The following SCEL variants were observed in gnomAD, a reference collection of about 807,000 sequenced individuals.
SCEL encodes the protein sciellin.
In SCEL, 113 loss-of-function variants were observed where a neutral mutation model predicts 117.6. That is an observed-to-expected ratio of 0.96 (90% CI 0.83 to 1.12). SCEL has a LOEUF of 1.12. Among genes scored for constraint, SCEL ranks in the 50% most tolerant of loss-of-function variants. The pLI, the probability that SCEL is intolerant of heterozygous loss-of-function variation, is 0.00. For synonymous variants in SCEL, 270 were observed against 256.2 expected, an observed-to-expected ratio of 1.05 and a Z score of -0.51; for missense variants, 785 against 810.8, an observed-to-expected ratio of 0.97 and a Z score of 0.39.
intron 9 of SCEL, among the ~76,000 whole-genome samples, chr13:77,576,501 G>T (rs1054949385): frequency 2.6e-5 from 4 of 152,068 alleles, no homozygotes; most frequent in African/African-American, 2.4e-5. Context: ...CAGCTCCAGG[G>T]TTTCACCGGC....
At chr13:77,622,090 A>G (rs1403282449) in intron 27 of SCEL, among the ~76,000 whole-genome samples, 1 of 152,212 alleles carries the variant, frequency 6.6e-6, no homozygotes, top group African/African-American at 2.4e-5. Flanking sequence ...TGTATTCTCT[A>G]TTCCTTTCAG....
chr13:77,594,127 A>G (rs1176123494), intron 12 of SCEL, among the ~76,000 whole-genome samples: 2 of 152,172 alleles, frequency 1.3e-5, no homozygotes, highest in African/African-American at 4.8e-5. Context: ...TTCACAGATT[A>G]TTAGAGTAGT....
At chr13:77,633,458 A>G (rs1349110710) in intron 28 of SCEL, among the ~76,000 whole-genome samples, 1 of 147,060 alleles carries the variant, frequency 6.8e-6, no homozygotes, top group Non-Finnish European at 1.5e-5. Flanking sequence ...AAAAAAAAAA[A>G]AAAAAAAAGA....
chr13:77,643,756 A>C (rs2154407717), intron 32 of SCEL, among the ~76,000 whole-genome samples: 2 of 152,186 alleles, frequency 1.3e-5, no homozygotes, highest in East Asian at 3.9e-4. Flanking sequence ...TGCAGAATCA[A>C]TTACAAGAAC....
intron 10 of SCEL, among the ~76,000 whole-genome samples, chr13:77,589,555 C>T (rs73227368): frequency 0.13 from 20,242 of 152,052 alleles, 1,433 homozygotes; most frequent in Non-Finnish European, 0.15. Context: ...TGACATGTAT[C>T]ACATATAATA....
intron 27 of SCEL, among the ~76,000 whole-genome samples, chr13:77,622,854 C>T (rs2089498250): frequency 6.6e-6 from 1 of 152,004 alleles, no homozygotes; most frequent in South Asian, 2.1e-4. Context: ...AGAGCTAGAC[C>T]CCAGTCTCTA....
rs780396276 is a variant in SCEL, at chr13:77,567,732, A to T, written c.343A>T (p.Asn115Tyr). The T allele has an allele frequency of 9.4e-6, 15 of 1,601,652 alleles. 1 individual carries two copies. In the South Asian group the frequency reaches 1.7e-4, roughly 18 times the overall value. ...AACATATAAGGCCAATACCTTGGAT[A>T]ACCAACTAACCAATAGGTACCAGTA... ...AKTYKANTLD[N>Y]QLTNRSMSMF... is the part of the protein sequence containing the mutation. Residue 115 changes from asparagine (N) to tyrosine (Y), a missense_variant, in exon 6 of 33, where the codon AAC becomes TAC. Asn to Tyr is a moderately radical substitution (Grantham distance 143). Transcript: ENST00000349847.
At chr13:77,571,334 T>C (rs1417763318) in intron 8 of SCEL, among the ~76,000 whole-genome samples, 1 of 141,084 alleles carries the variant, frequency 7.1e-6, no homozygotes, top group African/African-American at 2.7e-5. Context: ...TGAGCCGAGA[T>C]CGCGCCACTG....
At chr13:77,585,071 T>C (rs1279600293) in intron 9 of SCEL, among the ~76,000 whole-genome samples, 1 of 152,250 alleles carries the variant, frequency 6.6e-6, no homozygotes, top group Non-Finnish European at 1.5e-5. Context: ...TTTTGAAAGT[T>C]GCAAATCCGT....
At chr13:77,594,388 A>G (rs2087100740) in intron 12 of SCEL, among the ~76,000 whole-genome samples, 2 of 152,184 alleles carry the variant, frequency 1.3e-5, no homozygotes, top group Non-Finnish European at 2.9e-5. Context: ...GTAGTTTCCA[A>G]ATACTCTGGC....
intron 9 of SCEL, among the ~76,000 whole-genome samples, chr13:77,574,762 AAC>A (rs1465911081): frequency 5.9e-5 from 9 of 152,198 alleles, no homozygotes; most frequent in Admixed American, 2.6e-4. Flanking sequence ...ATAGGTCAAA[AAC>A]AGATAAAAAT....
intron 7 of SCEL, among the ~76,000 whole-genome samples, chr13:77,569,054 A>G (rs536632447): frequency 4.5e-4 from 69 of 152,352 alleles, no homozygotes; most frequent in African/African-American, 1.4e-3. Flanking sequence ...TAGTCACAAT[A>G]TAATCACAGG....
intron 28 of SCEL, among the ~76,000 whole-genome samples, chr13:77,630,983 T>C (rs114890561): frequency 1.1e-3 from 169 of 152,334 alleles, no homozygotes; most frequent in African/African-American, 4.0e-3. Flanking sequence ...TCCCAAACTT[T>C]TGGGTACATC....
chr13:77,609,840 G>A lies in SCEL; in HGVS notation c.1278-207G>A, dbSNP rs2088506041. ...CTGGGACATCAAACATTTTCTAGAA[G>A]TTCTTATTCATTATTTCTCTCCAGT... On this transcript the variant is annotated intron_variant, in intron 21 of 32. Transcript: ENST00000349847. 5.9e-5 allele frequency among the ~76,000 whole-genome samples: 9 copies of A among 152,188 alleles called. No homozygotes were observed. In the South Asian group the frequency reaches 1.9e-3, roughly 32 times the overall value.
chr13:77,613,562 G>A (rs1167684223), intron 23 of SCEL, among the ~76,000 whole-genome samples: 1 of 152,118 alleles, frequency 6.6e-6, no homozygotes, highest in African/African-American at 2.4e-5. Context: ...GGGTGTTGGG[G>A]AAAGGAGTGT....
intron 1 of SCEL, among the ~76,000 whole-genome samples, chr13:77,543,455 TAAAG>T (rs951636883): frequency 2.0e-5 from 3 of 152,232 alleles, no homozygotes; most frequent in Non-Finnish European, 4.4e-5. Context: ...TGGTCTTTTA[TAAAG>T]ATAGTAATTT....
At chr13:77,634,345 CT>C (rs1178488822) in intron 28 of SCEL, 33 bp from the exon 29 acceptor site, 18 of 1,561,938 alleles carry the variant, frequency 1.2e-5, no homozygotes, top group Non-Finnish European at 1.6e-5. Flanking sequence ...TGCAAATAAA[CT>C]TTAATCATGA....
At chr13:77,553,832 A>G (rs1314413251) in intron 1 of SCEL, among the ~76,000 whole-genome samples, 1 of 152,004 alleles carries the variant, frequency 6.6e-6, no homozygotes, top group Non-Finnish European at 1.5e-5. Context: ...TAATGTTCCT[A>G]TTTCACCTCA....
At chr13:77,634,259 A>G in intron 28 of SCEL, 120 bp from the exon 29 acceptor site, 1 of 866,660 alleles carries the variant, frequency 1.2e-6, no homozygotes, top group Non-Finnish European at 1.8e-6. Context: ...TCATGTTTCA[A>G]AGTTATAGTT....
Sources: allele counts gnomAD v4.1 joint callset (sites outside exome capture counted in the v4.1 genomes callset), GRCh38; gene constraint gnomAD v4.1.1; transcripts MANE v1.5; gene names NCBI Gene and HGNC (gene_info 2026-07-23, HGNC 2026-07-21).